The following XXYLT1 variants were observed in gnomAD, a reference collection of about 807,000 sequenced individuals.
XXYLT1 encodes xyloside xylosyltransferase 1, also known as UDP-xylose:alpha-xyloside alpha-1,3-xylosyltransferase.
In XXYLT1, 20 loss-of-function variants were observed where a neutral mutation model predicts 28.9. That is an observed-to-expected ratio of 0.69 (90% CI 0.49 to 1.00). The LOEUF (loss-of-function observed/expected upper bound fraction) is 1.00, where lower values mean the gene tolerates loss of function less well. Among genes scored for constraint, XXYLT1 ranks in the 50% least tolerant of loss-of-function variants. The pLI, the probability that XXYLT1 is intolerant of heterozygous loss-of-function variation, is 0.00. For synonymous variants in XXYLT1, 257 were observed against 253.8 expected (o/e 1.01, Z -0.12); for missense variants, 542 against 560.1 (o/e 0.97, Z 0.33).
At chr3:195,220,409 G>A (rs1723772611) in intron 2 of XXYLT1, among the ~76,000 whole-genome samples, 1 of 152,202 alleles carries the variant, frequency 6.6e-6, no homozygotes, top group Admixed American at 6.5e-5. Flanking sequence ...CTCCCAAAGT[G>A]CTGGGATTAC....
In XXYLT1 at chr3:195,133,402, G is replaced by A. The variant is rs1261886132; in HGVS notation, c.785+23047C>T. On this transcript the variant is annotated intron_variant, in intron 3 of 3. Coordinates refer to ENST00000310380, the MANE Select transcript of XXYLT1 (RefSeq NM_152531.5). This position sits in a 1 kb window ranked among gnomAD's most constrained non-coding sequence, Gnocchi z 4.4. ...CTTCTCAAGTAAGAAGGAAAACACT[G>A]GAGAATTCAATAGGTGTCCAAGAGT... Among the ~76,000 whole-genome samples, 1 of 152,148 alleles carries A rather than the reference G, an allele frequency of 6.6e-6. No individual in the cohort carries two copies. The highest frequency in any genetic ancestry group is 1.5e-5 in the Non-Finnish European group (1 of 68,022).
chr3:195,152,793 G>A (rs1577085491), intron 3 of XXYLT1: 2 of 152,336 alleles, frequency 1.3e-5, no homozygotes, highest in South Asian at 4.1e-4. Context: ...CACAGCTGGG[G>A]AGATCCAAAT....
intron 3 of XXYLT1, chr3:195,094,296 C>T (rs534419163): frequency 2.9e-4 from 45 of 153,386 alleles, no homozygotes; most frequent in Non-Finnish European, 3.8e-4. Flanking sequence ...CCCACATCCA[C>T]GCCCCCAGGC....
intron 2 of XXYLT1, among the ~76,000 whole-genome samples, chr3:195,164,738 C>G (rs1393139507): frequency 6.6e-6 from 1 of 152,250 alleles, no homozygotes; most frequent in African/African-American, 2.4e-5. Context: ...GATGGCCAAC[C>G]TCTTGTGTGA....
chr3:195,182,210 T>C (rs1387424182), intron 2 of XXYLT1, among the ~76,000 whole-genome samples: 1 of 152,206 alleles, frequency 6.6e-6, no homozygotes, highest in Non-Finnish European at 1.5e-5. Context: ...GAAACTACCA[T>C]ATCCGCCTTC....
At chr3:195,222,946 A>G (rs6790238) in intron 2 of XXYLT1, among the ~76,000 whole-genome samples, 7,498 of 152,210 alleles carry the variant, frequency 0.049, 604 homozygotes, top group African/African-American at 0.16. Flanking sequence ...AATGATGGCC[A>G]GGTGCAGTGG....
At chr3:195,131,673 A>G (rs1718912062) in intron 3 of XXYLT1, among the ~76,000 whole-genome samples, 1 of 152,220 alleles carries the variant, frequency 6.6e-6, no homozygotes, top group Non-Finnish European at 1.5e-5. Flanking sequence ...TCAGAGCACA[A>G]GCAGGGGCAG....
intron 3 of XXYLT1, among the ~76,000 whole-genome samples, chr3:195,151,574 AAAC>A (rs965111592): frequency 1.3e-5 from 2 of 152,084 alleles, no homozygotes; most frequent in African/African-American, 2.4e-5. Flanking sequence ...AATATACAAT[AAAC>A]AATAAACAAT....
rs1341671486 is a variant in XXYLT1, at chr3:195,156,545, T to G, written c.689A>C (p.Lys230Thr). 4 of 1,614,164 alleles carry G rather than the reference T, an allele frequency of 2.5e-6. No individual in the cohort carries two copies. Among genetic ancestry groups the G allele is most frequent in the Non-Finnish European group, 8.5e-7 (1 of 1,180,028 alleles). ...LQIIQLDLDLKFKTNIRELFE... is the reference protein window; with the variant it reads ...LQIIQLDLDLTFKTNIRELFE... Reference sequence around the variant, plus strand: ...CAACTCCCGGATGTTGGTCTTAAACTTCAGGTCTAGGTCCAGCTGAATGAT... The same window carrying G: ...CAACTCCCGGATGTTGGTCTTAAACGTCAGGTCTAGGTCCAGCTGAATGAT... The change falls in exon 3 of 4, where the codon AAG (lysine) becomes ACG (threonine). Residue 230 changes from lysine to threonine, a missense_variant. Lys to Thr is a moderately conservative substitution (Grantham distance 78). Transcript: ENST00000310380.
chr3:195,202,155 C>T (rs935244843), intron 2 of XXYLT1, among the ~76,000 whole-genome samples: 14 of 152,128 alleles, frequency 9.2e-5, no homozygotes, highest in Non-Finnish European at 1.8e-4. Flanking sequence ...CCTGCCTGGG[C>T]AACAGAGTGA....
chr3:195,157,450 T>A (rs1219310358), intron 2 of XXYLT1, among the ~76,000 whole-genome samples: 1 of 152,182 alleles, frequency 6.6e-6, no homozygotes, highest in Non-Finnish European at 1.5e-5. Context: ...ACAGTGTTTT[T>A]AATCCACTGC....
At chr3:195,227,865 T>C (rs1724122838) in intron 1 of XXYLT1, among the ~76,000 whole-genome samples, 1 of 152,186 alleles carries the variant, frequency 6.6e-6, no homozygotes, top group Admixed American at 6.5e-5. Context: ...CGATCCTGAG[T>C]TGGGTTTCCT....
chr3:195,177,773 A>T (rs1048929166), intron 2 of XXYLT1, among the ~76,000 whole-genome samples: 22 of 152,118 alleles, frequency 1.4e-4, no homozygotes, highest in African/African-American at 4.3e-4. Flanking sequence ...AAAAAAAATA[A>T]AAAAATAAAA....
Position 195,270,804 on chromosome 3 carries a change from C to T in XXYLT1, c.255G>A (p.Lys85=). ...CACCGCCGCCCTCCAAGCTCTTGGCCTTCGCGCCGGGGGCTGGCGCCACGG... is the reference window on the plus strand; with the variant it reads ...CACCGCCGCCCTCCAAGCTCTTGGCTTTCGCGCCGGGGGCTGGCGCCACGG... The part of the protein sequence containing the change: ...RGSVAPAPGA[K]AKSLEGGGAG... The change falls in exon 1 of 4, where the codon AAG becomes AAA. Residue 85 remains lysine, a synonymous_variant. Transcript: ENST00000310380. 4 of 1,521,158 alleles carry T rather than the reference C, an allele frequency of 2.6e-6. No homozygotes were observed. The highest frequency in any genetic ancestry group is 5.5e-5 in the East Asian group (2 of 36,568). The allele number at this position is 1,521,158 out of a possible 1,614,324, so 94.2% of individuals were successfully genotyped here. A position where few individuals can be genotyped will look rare whatever the true frequency, so the allele number is the denominator to read the frequency against.
chr3:195,269,473 T>A (rs1157712158), intron 1 of XXYLT1, among the ~76,000 whole-genome samples: 6 of 152,220 alleles, frequency 3.9e-5, no homozygotes, highest in African/African-American at 9.7e-5. Context: ...GCCCACTCCC[T>A]ACATAGCTAA....
chr3:195,248,253 GA>G (rs1309465612), intron 1 of XXYLT1, among the ~76,000 whole-genome samples: 6 of 152,160 alleles, frequency 3.9e-5, no homozygotes, highest in African/African-American at 1.4e-4. Flanking sequence ...ACTACCTCAG[GA>G]GGGGCTAAGG....
At chr3:195,252,727 C>CAGAGAG (rs10649695) in intron 1 of XXYLT1, among the ~76,000 whole-genome samples, 7 of 119,008 alleles carry the variant, frequency 5.9e-5, no homozygotes, top group African/African-American at 2.4e-4. Context: ...CACACACACA[C>CAGAGAG]AGAGAGAGAG....
chr3:195,136,065 T>C (rs1307958640), intron 3 of XXYLT1, among the ~76,000 whole-genome samples: 2 of 152,140 alleles, frequency 1.3e-5, no homozygotes, highest in East Asian at 3.8e-4. Context: ...AGAGCAGCCA[T>C]GCACGGCTGC....
chr3:195,165,171 C>T (rs1721055924), intron 2 of XXYLT1, among the ~76,000 whole-genome samples: 1 of 152,186 alleles, frequency 6.6e-6, no homozygotes, highest in South Asian at 2.1e-4. Context: ...GAATCCGCCA[C>T]TCTTCCCTGG....
Sources: allele counts gnomAD v4.1 joint callset (sites outside exome capture counted in the v4.1 genomes callset), GRCh38; gene constraint gnomAD v4.1.1; non-coding constraint Gnocchi (gnomAD v3.1); transcripts MANE v1.5; gene names NCBI Gene and HGNC (gene_info 2026-07-23, HGNC 2026-07-21).